Variants in SRGAP1 observed in about 807,000 individuals in gnomAD.
SRGAP1 encodes SLIT-ROBO Rho GTPase activating protein 1.
SRGAP1 carries 43 observed loss-of-function variants against 121.9 expected under a neutral mutation model. That is an observed-to-expected ratio of 0.35 (90% CI 0.28 to 0.46). SRGAP1 has a LOEUF of 0.46. Among genes scored for constraint, SRGAP1 ranks in the 20% least tolerant of loss-of-function variants. The probability of loss-of-function intolerance (pLI) is 1.00; values close to 1 mark genes in which losing one functional copy is unlikely to be tolerated. For missense variants in SRGAP1, 1,102 were observed against 1,350.9 expected, an observed-to-expected ratio of 0.82 and a Z score of 2.89; for synonymous variants, 447 against 485.4, an observed-to-expected ratio of 0.92 and a Z score of 1.04.
intron 1 of SRGAP1, among the ~76,000 whole-genome samples, chr12:63,959,463 C>T (rs922157402): frequency 6.6e-6 from 1 of 152,136 alleles, no homozygotes; most frequent in Non-Finnish European, 1.5e-5. Flanking sequence ...CTCAAGAAAT[C>T]CAATTCAGCT....
chr12:63,868,080 TTTTTTTTTTTTTG>T (rs1899719362), intron 1 of SRGAP1, among the ~76,000 whole-genome samples: 29 of 62,068 alleles, frequency 4.7e-4, no homozygotes, highest in South Asian at 4.3e-3. Context: ...TTTTTTTTTG[TTTTTTTTTTTTTG>T]TTTTTTGAGA....
intron 3 of SRGAP1, among the ~76,000 whole-genome samples, chr12:64,007,335 G>A (rs2085800037): frequency 6.6e-6 from 1 of 152,142 alleles, no homozygotes; most frequent in African/African-American, 2.4e-5. Flanking sequence ...TCAGGCATTA[G>A]ATTCTCATAA....
chr12:64,048,469 G>A (rs574671447), intron 6 of SRGAP1, among the ~76,000 whole-genome samples: 1 of 152,316 alleles, frequency 6.6e-6, no homozygotes, highest in African/African-American at 2.4e-5. Context: ...ACATGGGAAT[G>A]CAGATGTCTC....
rs532230489 is a variant in SRGAP1, at chr12:63,951,445, T to G, written c.68-32502T>G. ...TCCCAAAGTGCTGGAATTATAGGCATAAGCCACTGCACCCGGCCTTCATTT... is the reference window on the plus strand; with the variant it reads ...TCCCAAAGTGCTGGAATTATAGGCAGAAGCCACTGCACCCGGCCTTCATTT... On this transcript the variant is annotated intron_variant, in intron 1 of 21. Transcript: ENST00000355086. Among the ~76,000 whole-genome samples, 12 of 152,300 alleles carry G rather than the reference T, an allele frequency of 7.9e-5. 1 individual carries two copies. The highest frequency in any genetic ancestry group is 2.9e-4 in the African/African-American group (12 of 41,578).
At chr12:64,139,235 T>G (rs1335004993) in intron 21 of SRGAP1, among the ~76,000 whole-genome samples, 2 of 152,124 alleles carry the variant, frequency 1.3e-5, no homozygotes, top group Non-Finnish European at 2.9e-5. Flanking sequence ...ATTACAAAAA[T>G]GCCCCATAGG....
At chr12:64,039,627 A>ATGTGTGTGTGTGTGTGTGTG (rs1565652059) in intron 4 of SRGAP1, among the ~76,000 whole-genome samples, 3 of 38,318 alleles carry the variant, frequency 7.8e-5, no homozygotes, top group African/African-American at 2.5e-4. Context: ...CAGCTGAGCA[A>ATGTGTGTGTGTGTGTGTGTG]CGTGTGTGTG....
At chr12:63,997,187 T>TA (rs112435916) in intron 3 of SRGAP1, among the ~76,000 whole-genome samples, 2,743 of 151,978 alleles carry the variant, frequency 0.018, 65 homozygotes, top group African/African-American at 0.062. Context: ...GTATGCAAGA[T>TA]AAAAAAAATG....
chr12:64,137,364 C>G (rs1444570594), intron 21 of SRGAP1, among the ~76,000 whole-genome samples: 9 of 151,858 alleles, frequency 5.9e-5, no homozygotes, highest in Non-Finnish European at 1.2e-4. Context: ...AAAAAAAATC[C>G]ATATGTTTAG....
At chr12:64,136,782 C>A (rs1189335792) in intron 21 of SRGAP1, among the ~76,000 whole-genome samples, 1 of 152,274 alleles carries the variant, frequency 6.6e-6, no homozygotes, top group Non-Finnish European at 1.5e-5. Flanking sequence ...GGCATACTTA[C>A]AACCAGCAAT....
chr12:64,143,709 A>T lies in SRGAP1; in HGVS notation c.*1037A>T, dbSNP rs1350222777. On this transcript the variant is annotated 3_prime_UTR_variant, in exon 22 of 22. Coordinates refer to ENST00000355086, the MANE Select transcript of SRGAP1 (RefSeq NM_020762.4). Reference sequence around the variant, plus strand: ...GTACTCCCAGCTACTCGGGTGGTTTACACAGGAGGATGGCTTTGGGCCTAG... The same window carrying T: ...GTACTCCCAGCTACTCGGGTGGTTTTCACAGGAGGATGGCTTTGGGCCTAG... 1.6e-5 allele frequency: 2 copies of T among 123,660 alleles called. No individual in the cohort carries two copies. The highest frequency in any genetic ancestry group is 7.8e-4 in the East Asian group (2 of 2,570). 7.7% of individuals were successfully genotyped at this position (123,660 alleles called of 1,614,324 possible). A position where few individuals can be genotyped will look rare whatever the true frequency, so the allele number is the denominator to read the frequency against.
At chr12:63,892,950 GC>G (rs1189588284) in intron 1 of SRGAP1, among the ~76,000 whole-genome samples, 1 of 152,142 alleles carries the variant, frequency 6.6e-6, no homozygotes, top group Non-Finnish European at 1.5e-5. Context: ...GAAGTTGTTT[GC>G]TATGCCCTTG....
chr12:64,010,753 T>C (rs1015639264), intron 3 of SRGAP1, among the ~76,000 whole-genome samples: 17 of 151,980 alleles, frequency 1.1e-4, no homozygotes, highest in African/African-American at 4.1e-4. Flanking sequence ...TAAAACCCTG[T>C]GACAGAGATA....
At chr12:64,087,507 G>T (rs1442533266) in intron 11 of SRGAP1, among the ~76,000 whole-genome samples, 1 of 152,146 alleles carries the variant, frequency 6.6e-6, no homozygotes, top group Admixed American at 6.5e-5. Context: ...ACTGAGGCGG[G>T]TGGATCACCT....
chr12:64,090,799 C>T (rs1229886124), intron 11 of SRGAP1, among the ~76,000 whole-genome samples: 3 of 152,034 alleles, frequency 2.0e-5, no homozygotes, highest in African/African-American at 7.2e-5. Context: ...ATGATCATTC[C>T]ACTACACTCC....
intron 4 of SRGAP1, among the ~76,000 whole-genome samples, chr12:64,025,651 C>T (rs2034637598): frequency 6.6e-6 from 1 of 152,128 alleles, no homozygotes; most frequent in African/African-American, 2.4e-5. Context: ...ATGATGCCTC[C>T]TGGAAAACTT....
intron 1 of SRGAP1, among the ~76,000 whole-genome samples, chr12:63,962,773 A>G (rs1267992662): frequency 3.9e-5 from 6 of 152,168 alleles, no homozygotes; most frequent in African/African-American, 1.4e-4. Context: ...GCATTGTCCA[A>G]TATGGCAGCT....
rs537068478 is a variant in SRGAP1 at position 64,155,007 on chromosome 12, AAT to A, written c.*12337_*12338del. Reference sequence around the variant, plus strand: ...TTGTTAACATAAATATGATAATAAAAATAGTTAACATTTGTTAAATATATATA... The same window carrying A: ...TTGTTAACATAAATATGATAATAAAAAGTTAACATTTGTTAAATATATATA... On this transcript the variant is annotated 3_prime_UTR_variant, in exon 22 of 22. Coordinates refer to ENST00000355086, the MANE Select transcript of SRGAP1 (RefSeq NM_020762.4). The A allele has an allele frequency of 3.2e-4, 48 of 152,242 alleles. No homozygotes were observed. The highest frequency in any genetic ancestry group is 1.1e-3 in the African/African-American group (44 of 41,548). The allele number at this position is 152,242 out of a possible 1,614,324, so 9.4% of individuals were successfully genotyped here.
chr12:63,987,793 A>T (rs2033456839), intron 2 of SRGAP1, among the ~76,000 whole-genome samples: 1 of 152,260 alleles, frequency 6.6e-6, no homozygotes, highest in Non-Finnish European at 1.5e-5. Flanking sequence ...AGGATTAAGT[A>T]GAGTTGATGT....
intron 8 of SRGAP1, among the ~76,000 whole-genome samples, chr12:64,068,483 A>C (rs77066649): frequency 2.0e-5 from 3 of 150,038 alleles, no homozygotes; most frequent in Middle Eastern, 3.2e-3. Flanking sequence ...TACAAGTGTT[A>C]ACCACCGTGC....
Sources: allele counts gnomAD v4.1 joint callset (sites outside exome capture counted in the v4.1 genomes callset), GRCh38; gene constraint gnomAD v4.1.1; transcripts MANE v1.5; gene names NCBI Gene and HGNC (gene_info 2026-07-23, HGNC 2026-07-21).